Variants in PRKCA observed in about 807,000 individuals in gnomAD.
PRKCA encodes the protein protein kinase C alpha type.
A neutral mutation model predicts 87.0 loss-of-function variants in PRKCA; 27 were observed. The observed-to-expected ratio is 0.31, with a 90% confidence interval of 0.23 to 0.43. PRKCA has a LOEUF of 0.43. Ranked by LOEUF, PRKCA falls within the 20% of genes least tolerant of loss-of-function variation. The pLI, the probability that PRKCA is intolerant of heterozygous loss-of-function variation, is 1.00. For synonymous variants in PRKCA, 329 were observed against 311.1 expected (o/e 1.06, Z -0.61); for missense variants, 518 against 852.3 (o/e 0.61, Z 4.88).
Position 66,369,239 on chromosome 17 carries a change from G to C in PRKCA, c.205+63112G>C, listed in dbSNP as rs534425009. Among the ~76,000 whole-genome samples, 17 of 152,286 alleles carry C rather than the reference G, an allele frequency of 1.1e-4. No homozygotes were observed. In the South Asian group the frequency reaches 3.3e-3, roughly 30 times the overall value. On this transcript the variant is annotated intron_variant, in intron 2 of 16. Transcript: ENST00000413366. ...GCTATTGCAGAGCCTCCAAGATTTT[G>C]CCTCTTTTTTATGAGCTTTGGTGAC...
In PRKCA at chr17:66,713,039, C is replaced by G. The variant is rs1417612574; in HGVS notation, c.919-19649C>G. On this transcript the variant is annotated intron_variant, in intron 8 of 16. Transcript: ENST00000413366. The stretch of plus-strand genomic sequence containing the variant: ...AGCCATTGCCAAGTTAAAGTGAACC[C>G]TTTGTTGTCCTTTTTTTTTTTTTTT... 4.4e-5 allele frequency among the ~76,000 whole-genome samples: 6 copies of G among 135,106 alleles called. No individual in the cohort carries two copies. In the East Asian group the frequency reaches 1.3e-3, roughly 29 times the overall value. The allele number at this position is 135,106 out of a possible 152,430, so 88.6% of individuals were successfully genotyped here. A position where few individuals can be genotyped will look rare whatever the true frequency, so the allele number is the denominator to read the frequency against.
At chr17:66,639,763 G>A (rs1054165446) in intron 3 of PRKCA, among the ~76,000 whole-genome samples, 32 of 151,730 alleles carry the variant, frequency 2.1e-4, no homozygotes, top group Non-Finnish European at 3.5e-4. Context: ...TTGGGAGGCC[G>A]AAGCAAGTAG....
intron 5 of PRKCA, among the ~76,000 whole-genome samples, chr17:66,654,878 C>A (rs1009493220): frequency 6.6e-6 from 1 of 152,182 alleles, no homozygotes; most frequent in Non-Finnish European, 1.5e-5. Flanking sequence ...GGAAACAAGC[C>A]GCTACAGGAC....
intron 3 of PRKCA, among the ~76,000 whole-genome samples, chr17:66,614,638 G>C (rs1271162152): frequency 2.6e-5 from 4 of 152,108 alleles, no homozygotes; most frequent in Admixed American, 2.6e-4. Context: ...CTGTAAAAGG[G>C]GGCCAGCAAT....
intron 8 of PRKCA, among the ~76,000 whole-genome samples, chr17:66,691,648 T>G (rs755471076): frequency 6.6e-6 from 1 of 152,208 alleles, no homozygotes; most frequent in Non-Finnish European, 1.5e-5. Flanking sequence ...GTTTCAGGAC[T>G]GAGTGCCAGC....
intron 2 of PRKCA, among the ~76,000 whole-genome samples, chr17:66,387,920 T>A (rs1021180880): frequency 1.3e-5 from 2 of 152,244 alleles, no homozygotes; most frequent in Non-Finnish European, 2.9e-5. Context: ...TGCCCAGGCT[T>A]AACTATGCTG....
intron 3 of PRKCA, among the ~76,000 whole-genome samples, chr17:66,584,290 C>T (rs994235636): frequency 4.6e-5 from 7 of 151,906 alleles, no homozygotes; most frequent in African/African-American, 1.5e-4. Context: ...GGCTTGATCT[C>T]GGCTCACTGC....
At chr17:66,409,349 C>T (rs554211015) in intron 2 of PRKCA, among the ~76,000 whole-genome samples, 277 of 152,256 alleles carry the variant, frequency 1.8e-3, no homozygotes, top group African/African-American at 6.2e-3. Context: ...GCATACAAGG[C>T]AGGTGACACC....
At chr17:66,385,848 C>G (rs1401471795) in intron 2 of PRKCA, among the ~76,000 whole-genome samples, 3 of 152,186 alleles carry the variant, frequency 2.0e-5, no homozygotes, top group Non-Finnish European at 4.4e-5. Context: ...ACTTCTGCCT[C>G]CTGGGGTCAA....
intron 2 of PRKCA, among the ~76,000 whole-genome samples, chr17:66,443,987 C>T (rs1913904287): frequency 6.6e-6 from 1 of 152,132 alleles, no homozygotes; most frequent in Non-Finnish European, 1.5e-5. Flanking sequence ...GTGCCCTCCG[C>T]CTCACGAGCC....
At chr17:66,308,791 C>T (rs1904949819) in intron 2 of PRKCA, among the ~76,000 whole-genome samples, 1 of 152,120 alleles carries the variant, frequency 6.6e-6, no homozygotes, top group Non-Finnish European at 1.5e-5. Flanking sequence ...TATAGTTACC[C>T]AGCATTTTCT....
intron 13 of PRKCA, among the ~76,000 whole-genome samples, chr17:66,749,106 C>G (rs1010770296): frequency 7.3e-6 from 1 of 136,274 alleles, no homozygotes; most frequent in Non-Finnish European, 1.6e-5. Flanking sequence ...GGTATCTTGG[C>G]TCTGAATTGG....
intron 3 of PRKCA, among the ~76,000 whole-genome samples, chr17:66,553,597 C>T (rs965037371): frequency 2.0e-5 from 3 of 152,196 alleles, no homozygotes; most frequent in East Asian, 3.9e-4. Flanking sequence ...TAAAAGGCAT[C>T]GTAGCTTCCT....
At chr17:66,581,739 T>G (rs1049370503) in intron 3 of PRKCA, among the ~76,000 whole-genome samples, 2 of 152,196 alleles carry the variant, frequency 1.3e-5, no homozygotes, top group Non-Finnish European at 2.9e-5. Context: ...CCTCCCAAAG[T>G]GCTGGGATTA....
intron 16 of PRKCA, among the ~76,000 whole-genome samples, chr17:66,800,905 G>A (rs181808300): frequency 2.7e-4 from 41 of 152,280 alleles, no homozygotes; most frequent in African/African-American, 9.1e-4. Context: ...ATCTTTGCAT[G>A]GTTAGTGAGT....
intron 2 of PRKCA, among the ~76,000 whole-genome samples, chr17:66,337,106 A>G (rs1906745993): frequency 6.6e-6 from 1 of 151,902 alleles, no homozygotes; most frequent in African/African-American, 2.4e-5. Flanking sequence ...TGCCTTCTTT[A>G]TTGATGTAGG....
chr17:66,310,943 C>G (rs376248911), intron 2 of PRKCA, among the ~76,000 whole-genome samples: 2 of 152,270 alleles, frequency 1.3e-5, no homozygotes, highest in Admixed American at 1.3e-4. Flanking sequence ...TGTCTGTCCT[C>G]CCTATGGCCA....
chr17:66,671,115 G>A (rs969712481), intron 5 of PRKCA, among the ~76,000 whole-genome samples: 2 of 148,544 alleles, frequency 1.3e-5, no homozygotes, highest in African/African-American at 5.0e-5. Flanking sequence ...GGAGGCTGAG[G>A]TAGGAGAATG....
At chr17:66,797,477 G>A (rs1268226040) in intron 16 of PRKCA, among the ~76,000 whole-genome samples, 3 of 152,148 alleles carry the variant, frequency 2.0e-5, no homozygotes, top group Admixed American at 6.5e-5. Context: ...CTCAGAGATC[G>A]ATCACATGCC....
Sources: gnomAD v4.1 joint callset for allele counts (sites outside exome capture counted in the v4.1 genomes callset) on GRCh38, gnomAD v4.1.1 for gene constraint, MANE v1.5 for transcripts, NCBI Gene and HGNC (gene_info 2026-07-23, HGNC 2026-07-21) for gene names.